DCC: variants seen among roughly 807,000 people sequenced by gnomAD.
DCC encodes the protein netrin receptor DCC.
A neutral mutation model predicts 172.5 loss-of-function variants in DCC; 58 were observed. The observed-to-expected ratio is 0.34, with a 90% CI of 0.27 to 0.42. The LOEUF (loss-of-function observed/expected upper bound fraction) is 0.42, where lower values mean the gene tolerates loss of function less well. DCC is among the 10% of genes least tolerant of loss of function. The probability of loss-of-function intolerance (pLI) is 1.00; values close to 1 mark genes in which losing one functional copy is unlikely to be tolerated. For missense variants in DCC, 1,740 were observed against 1,791.0 expected (o/e 0.97, Z 0.51); for synonymous variants, 709 against 644.5 (o/e 1.10, Z -1.52).
chr18:52,946,386 C>T (rs775314461), intron 5 of DCC, among the ~76,000 whole-genome samples: 6 of 152,190 alleles, frequency 3.9e-5, no homozygotes, highest in Non-Finnish European at 5.9e-5. Flanking sequence ...AGCATACTTC[C>T]TATTTCCCTT....
Position 52,840,124 on chromosome 18 carries a change from G to A in DCC, c.413-65920G>A, listed in dbSNP as rs74444082. Among the ~76,000 whole-genome samples the A allele has an allele frequency of 3.9e-5, 6 of 152,162 alleles. 1 individual carries two copies. Among genetic ancestry groups the A allele is most frequent in the South Asian group, 4.1e-4 (2 of 4,822 alleles). ...TTGATGCTGAAGCTGGGGGTCTGGA[G>A]ACCAAGAACCACTGAAGCCTGTCTA... is the stretch of plus-strand genomic sequence containing the variant. On this transcript the variant is annotated intron_variant, in intron 2 of 28. Coordinates refer to ENST00000442544, the MANE Select transcript of DCC (RefSeq NM_005215.4).
At chr18:53,018,690 A>G (rs2041840823) in intron 5 of DCC, among the ~76,000 whole-genome samples, 1 of 152,170 alleles carries the variant, frequency 6.6e-6, no homozygotes, top group Non-Finnish European at 1.5e-5. Flanking sequence ...TGAAAATTAA[A>G]TGTACAAATG....
intron 1 of DCC, among the ~76,000 whole-genome samples, chr18:52,581,670 AT>A (rs2033554294): frequency 6.6e-6 from 1 of 151,878 alleles, no homozygotes; most frequent in Non-Finnish European, 1.5e-5. Context: ...TATACCTCTG[AT>A]TTCTTCACCC....
chr18:52,950,838 T>C (rs914450825), intron 5 of DCC, among the ~76,000 whole-genome samples: 6 of 142,904 alleles, frequency 4.2e-5, no homozygotes, highest in African/African-American at 1.6e-4. Flanking sequence ...GGCAAGAGAA[T>C]GGCGTGAACC....
At chr18:52,461,123 A>G (rs1435978514) in intron 1 of DCC, among the ~76,000 whole-genome samples, 1 of 152,198 alleles carries the variant, frequency 6.6e-6, no homozygotes, top group East Asian at 1.9e-4. Context: ...TCTTTGTTCT[A>G]TAAGCTTTTC....
At chr18:53,295,184 T>C (rs530884674) in intron 12 of DCC, among the ~76,000 whole-genome samples, 1 of 152,270 alleles carries the variant, frequency 6.6e-6, no homozygotes, top group Non-Finnish European at 1.5e-5. Context: ...GTCTAACAGT[T>C]GTCTACATGA....
chr18:52,711,114 A>G (rs2036284869), intron 1 of DCC, among the ~76,000 whole-genome samples: 2 of 152,092 alleles, frequency 1.3e-5, no homozygotes. Context: ...CTGCGACTTT[A>G]TATTCCTTTT....
At chr18:52,917,948 G>C (rs2040065159) in intron 3 of DCC, among the ~76,000 whole-genome samples, 1 of 151,588 alleles carries the variant, frequency 6.6e-6, no homozygotes. Context: ...TGCTTTTGTA[G>C]ATTTTAATAC....
intron 11 of DCC, among the ~76,000 whole-genome samples, chr18:53,211,495 G>A (rs527977003): frequency 8.5e-5 from 13 of 152,260 alleles, no homozygotes; most frequent in African/African-American, 2.6e-4. Context: ...AGGCCCAGGC[G>A]GGCAGATCAC....
chr18:53,228,906 C>T (rs1403037365), intron 12 of DCC, among the ~76,000 whole-genome samples: 2 of 152,110 alleles, frequency 1.3e-5, no homozygotes, highest in African/African-American at 4.8e-5. Context: ...CTATACTTAA[C>T]TAATTTATGT....
At chr18:53,411,853 A>G (rs186693888) in intron 20 of DCC, among the ~76,000 whole-genome samples, 33 of 152,308 alleles carry the variant, frequency 2.2e-4, no homozygotes, top group African/African-American at 7.9e-4. Flanking sequence ...ACTCCAAATG[A>G]GCAATCAAAA....
chr18:53,350,226 C>T (rs373923798), intron 15 of DCC, among the ~76,000 whole-genome samples: 31 of 152,200 alleles, frequency 2.0e-4, no homozygotes, highest in East Asian at 1.5e-3. Flanking sequence ...GAAAATGAAT[C>T]GAACTCGTTC....
chr18:52,567,812 T>C (rs1474124209), intron 1 of DCC, among the ~76,000 whole-genome samples: 4 of 152,032 alleles, frequency 2.6e-5, no homozygotes, highest in African/African-American at 4.8e-5. Context: ...ATAAGCAGTA[T>C]TGAGCTTAAA....
At chr18:52,465,757 C>T (rs978718917) in intron 1 of DCC, among the ~76,000 whole-genome samples, 6 of 149,704 alleles carry the variant, frequency 4.0e-5, no homozygotes, top group Middle Eastern at 3.4e-3. Flanking sequence ...TAACTTCCCT[C>T]GTTTAGTTAA....
At chr18:53,056,043 A>C (rs1459167957) in intron 5 of DCC, among the ~76,000 whole-genome samples, 1 of 152,102 alleles carries the variant, frequency 6.6e-6, no homozygotes, top group Admixed American at 6.6e-5. Flanking sequence ...ATTTATAAAG[A>C]ATATTTTTCC....
intron 5 of DCC, among the ~76,000 whole-genome samples, chr18:53,051,787 C>T (rs541341900): frequency 9.2e-5 from 14 of 151,966 alleles, no homozygotes; most frequent in South Asian, 4.2e-4. Context: ...TATATCTTTA[C>T]GCCTCATCTT....
chr18:53,174,037 G>T (rs1426248500), intron 8 of DCC, among the ~76,000 whole-genome samples: 4 of 96,130 alleles, frequency 4.2e-5, no homozygotes, highest in African/African-American at 1.3e-4. Context: ...ACTCAAAACC[G>T]CTCAACTACA....
intron 1 of DCC, among the ~76,000 whole-genome samples, chr18:52,616,725 C>T (rs1192673146): frequency 6.6e-6 from 1 of 151,958 alleles, no homozygotes; most frequent in Admixed American, 6.5e-5. Context: ...AAAATACAAA[C>T]AGATAAATGC....
At chr18:53,199,136 C>A (rs1484446051) in intron 9 of DCC, among the ~76,000 whole-genome samples, 1 of 150,138 alleles carries the variant, frequency 6.7e-6, no homozygotes, top group Non-Finnish European at 1.5e-5. Context: ...AGTGCAGCGG[C>A]ACAATCTTGC....
Sources: gnomAD v4.1 joint callset for allele counts (sites outside exome capture counted in the v4.1 genomes callset) on GRCh38, gnomAD v4.1.1 for gene constraint, MANE v1.5 for transcripts, NCBI Gene and HGNC (gene_info 2026-07-23, HGNC 2026-07-21) for gene names.